Variants in ANTXR2 observed in about 807,000 individuals in gnomAD.
ANTXR2 encodes ANTXR cell adhesion molecule 2, also known as anthrax toxin receptor 2.
In ANTXR2, 44 loss-of-function variants were observed where a neutral mutation model predicts 73.7. That is an observed-to-expected ratio of 0.60 (90% CI 0.47 to 0.77). The LOEUF is 0.77. Ranked by LOEUF, ANTXR2 falls within the 30% of genes least tolerant of loss-of-function variation. The probability of loss-of-function intolerance (pLI) is 0.00; values close to 1 mark genes in which losing one functional copy is unlikely to be tolerated. For synonymous variants in ANTXR2, 217 were observed against 205.9 expected (o/e 1.05, Z -0.46); for missense variants, 604 against 592.5 (o/e 1.02, Z -0.20).
chr4:79,923,270 A>G (rs7680777), intron 16 of ANTXR2, among the ~76,000 whole-genome samples: 86,880 of 151,636 alleles, frequency 0.57, 25,184 homozygotes, highest in Non-Finnish European at 0.6. Flanking sequence ...CGACTTGTCT[A>G]AAAATACAAA....
intron 12 of ANTXR2, among the ~76,000 whole-genome samples, chr4:79,985,991 G>A (rs993937604): frequency 2.6e-5 from 4 of 151,854 alleles, no homozygotes; most frequent in African/African-American, 9.7e-5. Flanking sequence ...ACAGGCGCCC[G>A]CCACCACGCC....
At position 79,904,837 on chromosome 4, in the gene ANTXR2, T is replaced by C. The variant is rs1192163776; in HGVS notation, c.*2592A>G. On this transcript the variant is annotated 3_prime_UTR_variant, in exon 17 of 17. Coordinates refer to ENST00000403729, the MANE Select transcript of ANTXR2 (RefSeq NM_058172.6). ...AAAATATAAAGTGCCATTAAATTTATAGAAATGGCTTCATTTTAATCTTTT... is the reference window on the plus strand; with the variant it reads ...AAAATATAAAGTGCCATTAAATTTACAGAAATGGCTTCATTTTAATCTTTT... 4 of 152,206 alleles carry C rather than the reference T, an allele frequency of 2.6e-5. No homozygotes were observed. Among genetic ancestry groups the C allele is most frequent in the Admixed American group, 1.3e-4 (2 of 15,266 alleles). The allele number at this position is 152,206 out of a possible 1,614,324, so 9.4% of individuals were successfully genotyped here. A position where few individuals can be genotyped will look rare whatever the true frequency, so the allele number is the denominator to read the frequency against.
At chr4:80,002,486 G>C (rs1226643773) in intron 12 of ANTXR2, among the ~76,000 whole-genome samples, 2 of 152,104 alleles carry the variant, frequency 1.3e-5, no homozygotes, top group Admixed American at 1.3e-4. Context: ...TTACCATTCA[G>C]GACATAGGCA....
rs1309931658 is a variant in ANTXR2 at position 79,996,719 on chromosome 4, T to C, written c.1041+11802A>G. Among the ~76,000 whole-genome samples the C allele has an allele frequency of 4.6e-5, 7 of 152,076 alleles. No homozygotes were observed. The East Asian group carries it at 1.4e-3, about 30-fold the overall frequency. On this transcript the variant is annotated intron_variant, in intron 12 of 16. Coordinates refer to ENST00000403729, the MANE Select transcript of ANTXR2 (RefSeq NM_058172.6). Reference sequence around the variant, plus strand: ...AAGAAAGATTTACTGTTAGTAAAAATACATTAAAAACTACAGTCATGAGAA... The same window carrying C: ...AAGAAAGATTTACTGTTAGTAAAAACACATTAAAAACTACAGTCATGAGAA...
intron 7 of ANTXR2, among the ~76,000 whole-genome samples, chr4:80,050,050 C>T (rs2110102476): frequency 6.6e-6 from 1 of 151,762 alleles, no homozygotes; most frequent in South Asian, 2.1e-4. Flanking sequence ...AATCCCAGTG[C>T]CAAGAATAAT....
intron 3 of ANTXR2, among the ~76,000 whole-genome samples, chr4:80,063,037 A>C (rs1734335462): frequency 6.6e-6 from 1 of 152,230 alleles, no homozygotes; most frequent in South Asian, 2.1e-4. Context: ...GAAAAAATTA[A>C]AAGGTAGTTA....
intron 11 of ANTXR2, among the ~76,000 whole-genome samples, chr4:80,015,655 A>G (rs1400535406): frequency 6.6e-6 from 1 of 152,042 alleles, no homozygotes; most frequent in Non-Finnish European, 1.5e-5. Context: ...ATCTGCTCAC[A>G]TAAACTTGCC....
chr4:80,036,672 G>A (rs10032998), intron 7 of ANTXR2, among the ~76,000 whole-genome samples: 56,712 of 151,656 alleles, frequency 0.37, 12,332 homozygotes, highest in Non-Finnish European at 0.47. Flanking sequence ...ATGGTGGCTC[G>A]CGCCTGTAAT....
intron 11 of ANTXR2, among the ~76,000 whole-genome samples, chr4:80,014,815 T>G (rs753772821): frequency 6.6e-6 from 1 of 152,122 alleles, no homozygotes; most frequent in Non-Finnish European, 1.5e-5. Context: ...GTTTTAGCAC[T>G]ACCTCCTATT....
Position 79,993,760 on chromosome 4 carries a change from G to GCGCGCACACACA in ANTXR2, c.1042-8898_1042-8897insTGTGTGTGCGCG, listed in dbSNP as rs71662888. Among the ~76,000 whole-genome samples, 595 of 140,760 alleles carry GCGCGCACACACA rather than the reference G, an allele frequency of 4.2e-3. 2 individuals are homozygous for GCGCGCACACACA. Among genetic ancestry groups the GCGCGCACACACA allele is most frequent in the South Asian group, 0.02 (88 of 4,382 alleles). The allele number at this position is 140,760 out of a possible 152,430, so 92.3% of individuals were successfully genotyped here. ...GGCAATACACCACACACACACACAC[G>GCGCGCACACACA]CACACACACACACACACACACACAT... is the stretch of plus-strand genomic sequence containing the variant. On this transcript the variant is annotated intron_variant, in intron 12 of 16. Transcript: ENST00000403729.
chr4:80,067,454 G>A (rs952638097), intron 3 of ANTXR2, among the ~76,000 whole-genome samples: 1 of 152,218 alleles, frequency 6.6e-6, no homozygotes, highest in Non-Finnish European at 1.5e-5. Flanking sequence ...ATCAATGACT[G>A]AGAGTTTCTA....
intron 8 of ANTXR2, 35 bp from the exon 9 acceptor site, chr4:80,033,605 T>C (rs759549698): frequency 6.8e-7 from 1 of 1,461,756 alleles, no homozygotes; most frequent in Non-Finnish European, 9.3e-7. Context: ...ATTTAATCAC[T>C]GCTTTACCAA....
intron 16 of ANTXR2, among the ~76,000 whole-genome samples, chr4:79,974,775 TA>T (rs1234151601): frequency 1.7e-3 from 249 of 142,410 alleles, no homozygotes; most frequent in Middle Eastern, 0.01. Context: ...GCATATTGAT[TA>T]AAAAAAAAAA....
intron 3 of ANTXR2, among the ~76,000 whole-genome samples, chr4:80,068,156 A>T (rs1734596832): frequency 6.6e-6 from 1 of 152,224 alleles, no homozygotes; most frequent in African/African-American, 2.4e-5. Flanking sequence ...AATTAAGTGA[A>T]TTATAAATAA....
chr4:79,990,217 C>T (rs12499307), intron 12 of ANTXR2, among the ~76,000 whole-genome samples: 87,236 of 151,270 alleles, frequency 0.58, 27,306 homozygotes, highest in East Asian at 0.92. Context: ...TAATAAGATT[C>T]TATATTTAGA....
At position 80,054,252 on chromosome 4, in the gene ANTXR2, GC is replaced by G; in HGVS notation, c.636+19del. On this transcript the variant is annotated intron_variant, in intron 7 of 16. Transcript: ENST00000403729. ...ATATACAAGGTTATGAGCCCTTCCT[GC>G]CCCCAGAGAAATACTCACAGAATTA... The G allele has an allele frequency of 6.4e-7, 1 of 1,564,560 alleles. No individual in the cohort carries two copies. Among genetic ancestry groups the G allele is most frequent in the South Asian group, 1.2e-5 (1 of 85,990 alleles).
chr4:79,962,967 G>C (rs895187847), intron 16 of ANTXR2, among the ~76,000 whole-genome samples: 2 of 152,114 alleles, frequency 1.3e-5, no homozygotes, highest in African/African-American at 4.8e-5. Context: ...AATCAATTGA[G>C]TGAAGGTTCC....
intron 16 of ANTXR2, among the ~76,000 whole-genome samples, chr4:79,930,676 T>A (rs1021125347): frequency 2.0e-5 from 3 of 152,186 alleles, no homozygotes; most frequent in African/African-American, 7.2e-5. Flanking sequence ...TCCTTGCAAC[T>A]ATTACCTCCC....
At position 80,033,466 on chromosome 4, in the gene ANTXR2, A is replaced by T. The variant is rs1732794463; in HGVS notation, c.796+6T>A. The T allele has an allele frequency of 9.4e-6, 15 of 1,591,264 alleles. No homozygotes were observed. Among genetic ancestry groups the T allele is most frequent in the Non-Finnish European group, 1.2e-5 (14 of 1,168,618 alleles). On this transcript the variant is annotated splice_donor_region_variant and intron_variant, in intron 9 of 16. Coordinates refer to ENST00000403729, the MANE Select transcript of ANTXR2 (RefSeq NM_058172.6). Reference sequence around the variant, plus strand: ...TAAGACAACACTGAGATTACTGGGGACCTACTCGTTGTATATGTTTCATTT... The same window carrying T: ...TAAGACAACACTGAGATTACTGGGGTCCTACTCGTTGTATATGTTTCATTT...
Sources: gnomAD v4.1 joint callset for allele counts (sites outside exome capture counted in the v4.1 genomes callset) on GRCh38, gnomAD v4.1.1 for gene constraint, MANE v1.5 for transcripts, NCBI Gene and HGNC (gene_info 2026-07-23, HGNC 2026-07-21) for gene names.